The following ADAMTSL4 variants were observed in gnomAD, a reference collection of about 807,000 sequenced individuals.
ADAMTSL4 encodes ADAMTS like 4, also known as ADAMTS-like protein 4.
Under a neutral mutation model 122.8 loss-of-function variants are expected in ADAMTSL4, and 97 were observed. The observed-to-expected ratio is 0.79, with a 90% confidence interval of 0.67 to 0.93. The LOEUF is 0.93. ADAMTSL4 is among the 40% of genes least tolerant of loss of function. ADAMTSL4 has a pLI of 0.00. For synonymous variants in ADAMTSL4, 592 were observed against 568.0 expected, an observed-to-expected ratio of 1.04 and a Z score of -0.60; for missense variants, 1,408 against 1,453.5, an observed-to-expected ratio of 0.97 and a Z score of 0.51.
rs201641579 is a variant in ADAMTSL4, at chr1:150,553,970, C to T, written c.979C>T (p.Arg327Cys). ...WGTGGTPHGP[R>C]LEPDPQHPGA... ...AACGGGGGGGACTCCTCACGGGCCC[C>T]GCCTGGAGCCTGACCCTCAGCACCC... Residue 327 changes from arginine to cysteine, a missense_variant, in exon 6 of 19, where the codon CGC becomes TGC. Arg to Cys is a radical substitution (Grantham distance 180). Transcript: ENST00000271643. 7.4e-5 allele frequency: 119 copies of T among 1,610,664 alleles called. 1 individual carries two copies. In the African/African-American group the frequency reaches 1.3e-3, roughly 17 times the overall value.
At position 150,552,020 on chromosome 1, in the gene ADAMTSL4, T is replaced by C; in HGVS notation, c.-84-185T>C. The C allele has an allele frequency of 1.9e-6, 1 of 517,970 alleles. No individual in the cohort carries two copies. The highest frequency in any genetic ancestry group is 1.9e-5 in the African/African-American group (1 of 52,418). 32.1% of individuals were successfully genotyped at this position (517,970 alleles called of 1,614,324 possible). ...GGGGACTGAGCCTTAGTTGGAGGGC[T>C]GAGGTCAGCCCCTGACCATGTAGCC... is the stretch of plus-strand genomic sequence containing the variant. On this transcript the variant is annotated intron_variant, in intron 2 of 18. Coordinates refer to ENST00000271643, the MANE Select transcript of ADAMTSL4 (RefSeq NM_019032.6). This position sits in a 1 kb window ranked among gnomAD's most constrained non-coding sequence, Gnocchi z 4.0.
In ADAMTSL4 at chr1:150,560,511, G is replaced by C. The variant is rs1224294075; in HGVS notation, c.*315G>C. 6 of 421,480 alleles carry C rather than the reference G, an allele frequency of 1.4e-5. No individual in the cohort carries two copies. Among genetic ancestry groups the C allele is most frequent in the Non-Finnish European group, 8.8e-6 (2 of 227,506 alleles). The allele number at this position is 421,480 out of a possible 1,614,324, so 26.1% of individuals were successfully genotyped here. On this transcript the variant is annotated 3_prime_UTR_variant, in exon 19 of 19. Transcript: ENST00000271643. Reference sequence around the variant, plus strand: ...AGAAGGACAAGACCTGTTTCCTTGAGACTTTCCTAGGTGGAAAGGAAAGCA... The same window carrying C: ...AGAAGGACAAGACCTGTTTCCTTGACACTTTCCTAGGTGGAAAGGAAAGCA...
In ADAMTSL4 at chr1:150,556,768, CCA is replaced by C; in HGVS notation, c.1726_1727del (p.Thr576HisfsTer31). ...GGGGAGAGTCTGTCGGCTGAAGGCC[CCA>C]CCACCCAGCCTGTGGATGTCTATGT... is the stretch of plus-strand genomic sequence containing the variant. On this transcript the variant is annotated frameshift_variant, in exon 10 of 19. Transcript: ENST00000271643. LOFTEE classifies it high-confidence loss of function. This position sits in a 1 kb window ranked among gnomAD's most constrained non-coding sequence, Gnocchi z 4.1. 1 of 1,613,340 alleles carries C rather than the reference CCA, an allele frequency of 6.2e-7. No individual in the cohort carries two copies. Among genetic ancestry groups the C allele is most frequent in the Non-Finnish European group, 8.5e-7 (1 of 1,179,428 alleles).
Position 150,554,823 on chromosome 1 carries a change from C to G in ADAMTSL4, c.1234+356C>G. ...CCACGCATCCTGGGCACTGTCGTAT[C>G]GGTTGCTCCCAGGTTACCATCCGCT... On this transcript the variant is annotated intron_variant, in intron 7 of 18. Coordinates refer to ENST00000271643, the MANE Select transcript of ADAMTSL4 (RefSeq NM_019032.6). This position sits in a 1 kb window ranked among gnomAD's most constrained non-coding sequence, Gnocchi z 4.0. 1.6e-6 allele frequency: 1 copy of G among 643,894 alleles called. No homozygotes were observed. Among genetic ancestry groups the G allele is most frequent in the Admixed American group, 2.9e-5 (1 of 34,196 alleles). 39.9% of individuals were successfully genotyped at this position (643,894 alleles called of 1,614,324 possible).
chr1:150,560,062 G>A lies in ADAMTSL4; in HGVS notation c.3091G>A (p.Asp1031Asn), dbSNP rs1672621303. Reference protein sequence around the residue: ...NSQPCSQRPDDQCKDSSPHCP... With the variant: ...NSQPCSQRPDNQCKDSSPHCP... Reference sequence around the variant, plus strand: ...CCACTGGCCTCCTCTGTCCCCAGATGATCAATGCAAGGACAGCTCTCCACA... The same window carrying A: ...CCACTGGCCTCCTCTGTCCCCAGATAATCAATGCAAGGACAGCTCTCCACA... The change falls in exon 19 of 19, where the codon GAT becomes AAT. Residue 1031 changes from aspartate (D) to asparagine (N), a missense_variant and splice_region_variant. Transcript: ENST00000271643. 1 of 1,614,098 alleles carries A rather than the reference G, an allele frequency of 6.2e-7. No homozygotes were observed. The highest frequency in any genetic ancestry group is 8.5e-7 in the Non-Finnish European group (1 of 1,180,014).
At chr1:150,557,847 G>A (rs971342885) in intron 13 of ADAMTSL4, 98 bp from the exon 14 acceptor site, 2 of 1,476,240 alleles carry the variant, frequency 1.4e-6, no homozygotes, top group South Asian at 2.4e-5. Flanking sequence ...CTCCTCTGAG[G>A]CCCCCACGTC....
In ADAMTSL4 at chr1:150,556,441, A is replaced by G; in HGVS notation, c.1576+75A>G. ...CATACCCCTACTCAGAGCAGTGAGC[A>G]AGCCAAACAGGGGGAAGTCCAGGGC... On this transcript the variant is annotated intron_variant, in intron 9 of 18. Transcript: ENST00000271643. This position sits in a 1 kb window ranked among gnomAD's most constrained non-coding sequence, Gnocchi z 4.1. 6.3e-7 allele frequency: 1 copy of G among 1,595,372 alleles called. No individual in the cohort carries two copies. Among genetic ancestry groups the G allele is most frequent in the Middle Eastern group, 1.7e-4 (1 of 6,038 alleles).
chr1:150,550,911 G>T (rs1334623702), intron 2 of ADAMTSL4: 2 of 456,270 alleles, frequency 4.4e-6, no homozygotes, highest in African/African-American at 4.0e-5. Context: ...GTCATTTTCT[G>T]CCCCAGAGCT....
Position 150,553,988 on chromosome 1 carries a change from C to T in ADAMTSL4, c.997C>T (p.Gln333Ter), listed in dbSNP as rs753092439. The T allele has an allele frequency of 2.5e-6, 4 of 1,611,752 alleles. No individual in the cohort carries two copies. Among genetic ancestry groups the T allele is most frequent in the African/African-American group, 1.3e-5 (1 of 75,018 alleles). Residue 333 changes from glutamine to a stop codon, truncating the protein, a stop_gained, in exon 6 of 19, where the codon CAG becomes TAG. Coordinates refer to ENST00000271643, the MANE Select transcript of ADAMTSL4 (RefSeq NM_019032.6). LOFTEE classifies it high-confidence loss of function. ...PHGPRLEPDPQHPGAWLPLLS... is the reference protein window; with the variant it reads ...PHGPRLEPDP ...CGGGCCCCGCCTGGAGCCTGACCCT[C>T]AGCACCCGGGCGCCTGGCTGCCCCT... is the stretch of plus-strand genomic sequence containing the variant.
At position 150,559,021 on chromosome 1, in the gene ADAMTSL4, G is replaced by C; in HGVS notation, c.2619G>C (p.Gly873=). The C allele has an allele frequency of 1.2e-6, 2 of 1,611,924 alleles. No individual in the cohort carries two copies. The highest frequency in any genetic ancestry group is 2.2e-5 in the South Asian group (2 of 90,950). Residue 873 remains glycine (G), a synonymous_variant, in exon 16 of 19, where the codon GGG becomes GGC. Transcript: ENST00000271643. This position sits in a 1 kb window ranked among gnomAD's most constrained non-coding sequence, Gnocchi z 4.1. ...GCTCTGTGGTCTGCCTTGGGAGTGG[G>C]GCAGCCCTCGGGCCAGGCCAGGGGG... ...QRRSVVCLGS[G]AALGPGQGEA...
chr1:150,556,755 TCGGCTGAAGGC>T lies in ADAMTSL4; in HGVS notation c.1713_1723del (p.Ala572HisfsTer32), dbSNP rs772225293. The T allele has an allele frequency of 6.2e-7, 1 of 1,613,454 alleles. No homozygotes were observed. The highest frequency in any genetic ancestry group is 1.7e-5 in the Admixed American group (1 of 59,988). ...GGAGGAGGGCAAAGGGGAGAGTCTG[TCGGCTGAAGGC>T]CCCACCACCCAGCCTGTGGATGTCT... On this transcript the variant is annotated frameshift_variant, in exon 10 of 19. Coordinates refer to ENST00000271643, the MANE Select transcript of ADAMTSL4 (RefSeq NM_019032.6). LOFTEE classifies it high-confidence loss of function. The surrounding 1 kb of genome is among the most constrained non-coding windows in gnomAD (Gnocchi z 4.1).
Position 150,560,678 on chromosome 1 carries a change from C to A in ADAMTSL4, c.*482C>A. 1 of 178,400 alleles carries A rather than the reference C, an allele frequency of 5.6e-6. No individual in the cohort carries two copies. The highest frequency in any genetic ancestry group is 1.5e-4 in the East Asian group (1 of 6,810). The allele number at this position is 178,400 out of a possible 1,614,324, so 11.1% of individuals were successfully genotyped here. A position where few individuals can be genotyped will look rare whatever the true frequency, so the allele number is the denominator to read the frequency against. ...GTGTCTCTGACCCCTTCTCATTTGC[C>A]TAGTATCTCTGCCCCTGCCTCCCTA... On this transcript the variant is annotated 3_prime_UTR_variant, in exon 19 of 19. Transcript: ENST00000271643.
Position 150,558,062 on chromosome 1 carries a change from C to T in ADAMTSL4, c.2295C>T (p.Arg765=), listed in dbSNP as rs754249973. The T allele has an allele frequency of 6.2e-7, 1 of 1,613,106 alleles. No homozygotes were observed. The part of the protein sequence containing the change: ...GGGGSSVPPE[R]CGHLPRPNIT... ...GTGGCTCCTCGGTGCCCCCGGAGCG[C>T]TGTGGACATCTCCCCCGGCCCAACA... is the stretch of plus-strand genomic sequence containing the variant. The change falls in exon 14 of 19, where the codon CGC becomes CGT. Residue 765 remains arginine, a synonymous_variant. Transcript: ENST00000271643.
In ADAMTSL4 at chr1:150,554,581, T is replaced by C. The variant is rs1340594890; in HGVS notation, c.1234+114T>C. ...TGACTTCCAGCCCCTCTGCTTCCCC[T>C]GCGCCATGCCTTCTTTCTTCTCCCT... is the stretch of plus-strand genomic sequence containing the variant. On this transcript the variant is annotated intron_variant, in intron 7 of 18. Coordinates refer to ENST00000271643, the MANE Select transcript of ADAMTSL4 (RefSeq NM_019032.6). This position sits in a 1 kb window ranked among gnomAD's most constrained non-coding sequence, Gnocchi z 4.0. The C allele has an allele frequency of 6.4e-7, 1 of 1,555,120 alleles. No individual in the cohort carries two copies. Among genetic ancestry groups the C allele is most frequent in the Non-Finnish European group, 8.7e-7 (1 of 1,149,302 alleles).
At position 150,558,488 on chromosome 1, in the gene ADAMTSL4, G is replaced by A. The variant is rs369746899; in HGVS notation, c.2398G>A (p.Gly800Ser). ...GCCCCCTCAGTGCTCCGTGCGGTGC[G>A]GCCGGGGCCAGAGAAGCCGGCAGGT... ...SPWSQCSVRC[G>S]RGQRSRQVRC... The change falls in exon 15 of 19, where the codon GGC becomes AGC. Residue 800 changes from glycine to serine, a missense_variant. Gly to Ser is a moderately conservative substitution (Grantham distance 56). Transcript: ENST00000271643. The A allele has an allele frequency of 1.3e-4, 210 of 1,613,542 alleles. No homozygotes were observed. Among genetic ancestry groups the A allele is most frequent in the Non-Finnish European group, 1.6e-4 (186 of 1,180,010 alleles).
intron 2 of ADAMTSL4, chr1:150,551,692 A>G (rs923108692): frequency 6.4e-6 from 1 of 155,420 alleles, no homozygotes; most frequent in African/African-American, 2.4e-5. Context: ...TGAGGCCTGG[A>G]GTTCAAGACC....
At position 150,550,876 on chromosome 1, in the gene ADAMTSL4, C is replaced by A. The variant is rs1420013928; in HGVS notation, c.-85+981C>A. 5 of 456,534 alleles carry A rather than the reference C, an allele frequency of 1.1e-5. No individual in the cohort carries two copies. The East Asian group carries it at 3.5e-4, about 32-fold the overall frequency. The allele number at this position is 456,534 out of a possible 1,614,324, so 28.3% of individuals were successfully genotyped here. On this transcript the variant is annotated intron_variant, in intron 2 of 18. Transcript: ENST00000271643. ...GGCAGTGGGGCTGAGTGTCTGCCCC[C>A]AGGCACATTCCTACCCTTCTCTTGG... is the stretch of plus-strand genomic sequence containing the variant.
chr1:150,558,194 C>T, intron 14 of ADAMTSL4, 45 bp downstream of exon 14: 1 of 1,610,400 alleles, frequency 6.2e-7, no homozygotes, highest in Non-Finnish European at 8.5e-7. Flanking sequence ...GGAATGGGCA[C>T]AGGTGAACAA....
Position 150,557,348 on chromosome 1 carries a change from A to G in ADAMTSL4, c.2047+13A>G, listed in dbSNP as rs781104839. ...TCCTGCGGGAAAGGTGAGACATCAC[A>G]GTGCGTTCCCCGCATCTCGGTCCAA... On this transcript the variant is annotated intron_variant, in intron 12 of 18. Transcript: ENST00000271643. The G allele has an allele frequency of 2.1e-5, 34 of 1,607,930 alleles. No homozygotes were observed. The highest frequency in any genetic ancestry group is 2.8e-5 in the Non-Finnish European group (33 of 1,177,758).
Sources: allele counts gnomAD v4.1 joint callset, GRCh38; gene constraint gnomAD v4.1.1; non-coding constraint Gnocchi (gnomAD v3.1); transcripts MANE v1.5; gene names NCBI Gene and HGNC (gene_info 2026-07-23, HGNC 2026-07-21).